ERICH2: variants seen among roughly 807,000 people sequenced by gnomAD.
ERICH2 encodes glutamate-rich protein 2.
In ERICH2, 17 loss-of-function variants were observed where a neutral mutation model predicts 17.4. The ratio of observed to expected loss-of-function variants is 0.98; its 90% CI spans 0.67 to 1.47. The LOEUF (loss-of-function observed/expected upper bound fraction) is 1.47, where lower values mean the gene tolerates loss of function less well. Among genes scored for constraint, ERICH2 ranks in the 40% most tolerant of loss-of-function variants. ERICH2 has a pLI of 0.00. For synonymous variants in ERICH2, 51 were observed against 61.1 expected, an observed-to-expected ratio of 0.83 and a Z score of 0.77; for missense variants, 186 against 183.2, an observed-to-expected ratio of 1.01 and a Z score of -0.09.
At chr2:170,780,258 C>CTA (rs1452196766), upstream of ERICH2, among the ~76,000 whole-genome samples, 1 of 152,078 alleles carries the variant, frequency 6.6e-6, no homozygotes, top group African/African-American at 2.4e-5. Flanking sequence ...TAGTTAGGGG[C>CTA]TTTATTACCA....
chr2:170,781,656 G>T (rs1471032178), upstream of ERICH2, among the ~76,000 whole-genome samples: 2 of 106,310 alleles, frequency 1.9e-5, no homozygotes, highest in Non-Finnish European at 4.7e-5. Context: ...AAAGACCTGG[G>T]TTTTTTTTCC....
chr2:170,791,458 G>A (rs927907426), intron 2 of ERICH2, among the ~76,000 whole-genome samples: 3 of 151,558 alleles, frequency 2.0e-5, no homozygotes, highest in Non-Finnish European at 4.4e-5. Context: ...ATGTGAGGCC[G>A]AGGCGGGCGG....
At chr2:170,788,086 C>A (rs1273151255) in intron 2 of ERICH2, among the ~76,000 whole-genome samples, 1 of 152,136 alleles carries the variant, frequency 6.6e-6, no homozygotes, top group Non-Finnish European at 1.5e-5. Context: ...ATAAAGAAAT[C>A]AGTCATATTA....
upstream of ERICH2, among the ~76,000 whole-genome samples, chr2:170,782,602 G>A (rs760099845): frequency 2.0e-5 from 3 of 152,166 alleles, no homozygotes; most frequent in Non-Finnish European, 4.4e-5. Context: ...AGAGTCTTAA[G>A]TCCTGGAATG....
intron 3 of ERICH2, among the ~76,000 whole-genome samples, chr2:170,795,673 A>G (rs1050548134): frequency 1.3e-5 from 2 of 152,190 alleles, no homozygotes; most frequent in African/African-American, 4.8e-5. Context: ...TGGAACTGAA[A>G]GTCAAGAGTC....
At chr2:170,797,563 C>T (rs922724623) in intron 3 of ERICH2, among the ~76,000 whole-genome samples, 3 of 151,902 alleles carry the variant, frequency 2.0e-5, no homozygotes, top group Non-Finnish European at 4.4e-5. Flanking sequence ...TTTGGGAGGC[C>T]GAGGTGGGTG....
intron 1 of ERICH2, among the ~76,000 whole-genome samples, chr2:170,784,313 A>C (rs1220995464): frequency 1.3e-5 from 2 of 152,214 alleles, no homozygotes; most frequent in African/African-American, 4.8e-5. Flanking sequence ...TATTAGTAAA[A>C]ATAGTACAAG....
Position 170,796,286 on chromosome 2 carries a change from G to T in ERICH2, c.275-1755G>T, listed in dbSNP as rs538118726. On this transcript the variant is annotated intron_variant, in intron 3 of 4. Coordinates refer to ENST00000409885, the Ensembl canonical transcript of ERICH2. ...GCACGCAGTCATGCTAACCCAGATT[G>T]ATGACAAATTGTTAGTTATGTTAGT... Among the ~76,000 whole-genome samples, 26 of 152,272 alleles carry T rather than the reference G, an allele frequency of 1.7e-4. No homozygotes were observed. In the South Asian group the frequency reaches 4.6e-3, roughly 27 times the overall value.
chr2:170,788,084 ATCAG>A (rs1436861709), intron 2 of ERICH2, among the ~76,000 whole-genome samples: 1 of 152,234 alleles, frequency 6.6e-6, no homozygotes, highest in Non-Finnish European at 1.5e-5. Flanking sequence ...ATATAAAGAA[ATCAG>A]TCATATTATA....
intron 2 of ERICH2, among the ~76,000 whole-genome samples, chr2:170,786,017 C>T (rs1308279410): frequency 1.3e-5 from 2 of 151,810 alleles, no homozygotes; most frequent in Non-Finnish European, 2.9e-5. Flanking sequence ...ATGTTGTAAG[C>T]CCTTCAATAC....
At chr2:170,772,840 T>G in the ERICH2 span, among the ~76,000 whole-genome samples, 1 of 152,206 alleles carries the variant, frequency 6.6e-6, no homozygotes, top group Non-Finnish European at 1.5e-5. Flanking sequence ...TCTTTGCCTA[T>G]TAGACTACAA....
the ERICH2 span, among the ~76,000 whole-genome samples, chr2:170,776,964 A>G: frequency 6.6e-6 from 1 of 151,690 alleles, no homozygotes; most frequent in African/African-American, 2.4e-5. Flanking sequence ...GATTTTTTTA[A>G]AACTAAATTT....
upstream of ERICH2, among the ~76,000 whole-genome samples, chr2:170,781,405 G>A (rs80198527): frequency 6.6e-6 from 1 of 151,898 alleles, no homozygotes; most frequent in Non-Finnish European, 1.5e-5. Flanking sequence ...GAAGGCCGAG[G>A]TGGGTGGATC....
chr2:170,790,365 G>A (rs916517412), intron 2 of ERICH2, among the ~76,000 whole-genome samples: 4 of 152,102 alleles, frequency 2.6e-5, no homozygotes, highest in South Asian at 2.1e-4. Context: ...GGTGCCTCAC[G>A]CCTGTAATCC....
At chr2:170,781,630 C>CTA (rs1701031103), upstream of ERICH2, among the ~76,000 whole-genome samples, 1 of 106,242 alleles carries the variant, frequency 9.4e-6, no homozygotes, top group Admixed American at 1.1e-4. Flanking sequence ...GAGACTTGGT[C>CTA]TAAAAAAAAA....
intron 2 of ERICH2, among the ~76,000 whole-genome samples, chr2:170,788,621 G>A (rs192896157): frequency 6.4e-4 from 97 of 151,920 alleles, no homozygotes; most frequent in African/African-American, 1.8e-3. Flanking sequence ...ACAGGTGCAC[G>A]CCACCACACC....
Position 170,784,976 on chromosome 2 carries a change from G to A in ERICH2, c.216+143G>A, listed in dbSNP as rs138332337. On this transcript the variant is annotated intron_variant, in intron 2 of 4. Coordinates refer to ENST00000409885, the Ensembl canonical transcript of ERICH2. The stretch of plus-strand genomic sequence containing the variant: ...ATAGAATGGTGGTTACCAGAAGCTG[G>A]ACGGGAAGAAGGGAGATAAAGAGAA... The A allele has an allele frequency of 3.5e-3, 2,272 of 653,658 alleles. 10 individuals carry two copies. Among genetic ancestry groups the A allele is most frequent in the Middle Eastern group, 0.017 (42 of 2,468 alleles). The allele number at this position is 653,658 out of a possible 1,614,324, so 40.5% of individuals were successfully genotyped here. A position where few individuals can be genotyped will look rare whatever the true frequency, so the allele number is the denominator to read the frequency against.
the ERICH2 span, chr2:170,775,756 T>C: frequency 3.2e-5 from 5 of 154,058 alleles, no homozygotes; most frequent in South Asian, 8.2e-4. Context: ...TTAACGTATG[T>C]AATGTTGGCT....
chr2:170,771,798 T>G, the ERICH2 span, among the ~76,000 whole-genome samples: 1 of 152,204 alleles, frequency 6.6e-6, no homozygotes. This position sits in a 1 kb window ranked among gnomAD's most constrained non-coding sequence, Gnocchi z 4.8. Context: ...TTCTTTTGAC[T>G]ACTCAAACTA....
Sources: allele counts gnomAD v4.1 joint callset (sites outside exome capture counted in the v4.1 genomes callset), GRCh38; gene constraint gnomAD v4.1.1; non-coding constraint Gnocchi (gnomAD v3.1); transcripts MANE v1.5; gene names NCBI Gene and HGNC (gene_info 2026-07-23, HGNC 2026-07-21).